SNX16: variants seen among roughly 807,000 people sequenced by gnomAD.
The protein encoded by SNX16 is sorting nexin-16.
A neutral mutation model predicts 36.7 loss-of-function variants in SNX16; 35 were observed. That is an observed-to-expected ratio of 0.95 (90% CI 0.73 to 1.27). SNX16 has a LOEUF of 1.27. Ranked by LOEUF, SNX16 falls within the 50% of genes most tolerant of loss-of-function variation. SNX16 has a pLI of 0.00. For synonymous variants in SNX16, 134 were observed against 132.0 expected (o/e 1.02, Z -0.10); for missense variants, 367 against 393.6 (o/e 0.93, Z 0.57).
chr8:81,824,473 A>T (rs1382029999), intron 3 of SNX16, among the ~76,000 whole-genome samples: 1 of 151,980 alleles, frequency 6.6e-6, no homozygotes, highest in Non-Finnish European at 1.5e-5. Context: ...ATTTTTTTTA[A>T]TTTTAATGTT....
chr8:81,819,708 G>C (rs1810647082), intron 4 of SNX16, among the ~76,000 whole-genome samples: 2 of 151,786 alleles, frequency 1.3e-5, no homozygotes, highest in African/African-American at 4.8e-5. Flanking sequence ...TTATTGAACA[G>C]ATAAAATCTC....
chr8:81,808,049 AAGAT>A (rs1454421743), intron 5 of SNX16: 2 of 946,388 alleles, frequency 2.1e-6, no homozygotes, highest in African/African-American at 1.6e-5. Context: ...GTCTCAAGGG[AAGAT>A]TCTCAAAGAC....
chr8:81,835,761 C>T (rs1485592186), intron 2 of SNX16, among the ~76,000 whole-genome samples: 1 of 152,210 alleles, frequency 6.6e-6, no homozygotes, highest in African/African-American at 2.4e-5. Flanking sequence ...ATTTGACTTA[C>T]AGTTCCACAT....
At chr8:81,820,273 T>G (rs558957091) in intron 4 of SNX16, among the ~76,000 whole-genome samples, 111 of 152,170 alleles carry the variant, frequency 7.3e-4, no homozygotes, top group African/African-American at 2.6e-3. Flanking sequence ...TGAGACAATC[T>G]TCTTTCCCTC....
intron 2 of SNX16, among the ~76,000 whole-genome samples, chr8:81,838,497 T>TG (rs1368092061): frequency 1.3e-5 from 2 of 151,028 alleles, no homozygotes; most frequent in Non-Finnish European, 2.9e-5. Flanking sequence ...ACATGATTTA[T>TG]GACACAGACA....
chr8:81,828,979 C>T (rs1018950243), intron 3 of SNX16, among the ~76,000 whole-genome samples: 5 of 152,076 alleles, frequency 3.3e-5, no homozygotes, highest in East Asian at 1.9e-4. Flanking sequence ...AGATAAGTGC[C>T]CAGCCCAGCT....
intron 4 of SNX16, among the ~76,000 whole-genome samples, chr8:81,821,641 G>A (rs959869348): frequency 1.7e-4 from 26 of 151,188 alleles, no homozygotes; most frequent in Non-Finnish European, 3.0e-5. Flanking sequence ...ATAAAGTGGG[G>A]AGCACTAATG....
At chr8:81,809,601 A>T (rs1310945797) in intron 5 of SNX16, among the ~76,000 whole-genome samples, 1 of 152,250 alleles carries the variant, frequency 6.6e-6, no homozygotes, top group Non-Finnish European at 1.5e-5. Flanking sequence ...CCTGGCTGGT[A>T]ATCAAGAAAA....
intron 2 of SNX16, among the ~76,000 whole-genome samples, chr8:81,835,696 C>G (rs1046215475): frequency 1.3e-5 from 2 of 152,198 alleles, no homozygotes; most frequent in South Asian, 4.1e-4. Context: ...CATTTCCCAA[C>G]AAGTTCCTCA....
At position 81,803,201 on chromosome 8, in the gene SNX16, T is replaced by C; in HGVS notation, c.709A>G (p.Asn237Asp). ...RAFCETLEET[N>D]YRLQKELLEK... ...AGTAGTTCTTTCTGTAAGCGGTAGT[T>C]TGTCTCTTCTAAAGTTTCACAGAAT... Residue 237 changes from asparagine to aspartate, a missense_variant, in exon 6 of 8, where the codon AAC becomes GAC. Transcript: ENST00000345957. 3 of 1,609,544 alleles carry C rather than the reference T, an allele frequency of 1.9e-6. No individual in the cohort carries two copies. The highest frequency in any genetic ancestry group is 2.5e-6 in the Non-Finnish European group (3 of 1,178,222).
chr8:81,799,615 T>A lies in SNX16; in HGVS notation c.*1882A>T, dbSNP rs140368162. 289 of 152,028 alleles carry A rather than the reference T, an allele frequency of 1.9e-3. 1 individual carries two copies. The highest frequency in any genetic ancestry group is 6.9e-3 in the African/African-American group (288 of 41,562). The allele number at this position is 152,028 out of a possible 1,614,324, so 9.4% of individuals were successfully genotyped here. ...GAAAAAATAATTTATTAAATGAACA[T>A]AATACTGGGAGTAAAATGCATTATA... is the stretch of plus-strand genomic sequence containing the variant. On this transcript the variant is annotated 3_prime_UTR_variant, in exon 8 of 8. Coordinates refer to ENST00000345957, the MANE Select transcript of SNX16 (RefSeq NM_152836.3).
At chr8:81,837,441 A>T (rs1811541579) in intron 2 of SNX16, among the ~76,000 whole-genome samples, 1 of 152,192 alleles carries the variant, frequency 6.6e-6, no homozygotes. Context: ...AATACCATAA[A>T]TTTGGTAGCT....
chr8:81,841,465 A>C (rs1586031780), intron 1 of SNX16, among the ~76,000 whole-genome samples: 1 of 151,864 alleles, frequency 6.6e-6, no homozygotes, highest in African/African-American at 2.4e-5. Flanking sequence ...CGGCCTCCCC[A>C]AAAACAAGTA....
rs1409231997 is a variant in SNX16, at chr8:81,823,815, T to C, written c.588A>G (p.Val196=). The C allele has an allele frequency of 1.2e-6, 2 of 1,609,902 alleles. No individual in the cohort carries two copies. Among genetic ancestry groups the C allele is most frequent in the Non-Finnish European group, 1.7e-6 (2 of 1,178,386 alleles). The part of the protein sequence containing the change: ...LGLQAFLQNL[V]AHKDIANCLA... The stretch of plus-strand genomic sequence containing the variant: ...ACCAGTTAGCAATGTCCTTGTGAGC[T>C]ACTAAATTTTGAAGAAACGCTTGTA... Residue 196 remains valine, a synonymous_variant, in exon 4 of 8, where the codon GTA becomes GTG. Transcript: ENST00000345957.
At chr8:81,823,553 A>G (rs1810872121) in intron 4 of SNX16, among the ~76,000 whole-genome samples, 1 of 152,098 alleles carries the variant, frequency 6.6e-6, no homozygotes, top group Non-Finnish European at 1.5e-5. Flanking sequence ...TACATGGTAC[A>G]CTGGATTTTT....
chr8:81,839,700 T>C lies in SNX16; in HGVS notation c.287A>G (p.Gln96Arg). The change falls in exon 2 of 8, where the codon CAA becomes CGA. Residue 96 changes from glutamine to arginine, a missense_variant. Physicochemically the swap from Gln to Arg is conservative, Grantham distance 43. Transcript: ENST00000345957. ...YSTRPRDTEE[Q>R]NPETVNWEDR... ...TTCCCAATTCACTGTTTCCGGATTT[T>C]GTTCTTCAGTGTCTCTTGGTCTAGT... 6.2e-7 allele frequency: 1 copy of C among 1,614,020 alleles called. No individual in the cohort carries two copies. The highest frequency in any genetic ancestry group is 2.2e-5 in the East Asian group (1 of 44,864).
At chr8:81,802,300 AAAAATACTCTATAGAGTATT>A in intron 7 of SNX16, 60 bp downstream of exon 7, 1 of 1,112,992 alleles carries the variant, frequency 9.0e-7, no homozygotes, top group Non-Finnish European at 1.2e-6. Context: ...GAGTTCATAA[AAAAATACTCTATAGAGTATT>A]AGAATCACTT....
intron 6 of SNX16, 38 bp downstream of exon 6, chr8:81,803,054 G>C (rs748813846): frequency 6.5e-7 from 1 of 1,549,208 alleles, no homozygotes; most frequent in Non-Finnish European, 8.7e-7. Context: ...ATTAAGGGTT[G>C]AATTAGTCAG....
intron 3 of SNX16, 32 bp downstream of exon 3, chr8:81,829,398 A>C: frequency 2.0e-6 from 2 of 1,014,400 alleles, no homozygotes; most frequent in Non-Finnish European, 2.7e-6. Flanking sequence ...TTCAAAACTG[A>C]AATGTTAGTT....
Sources: gnomAD v4.1 joint callset for allele counts (sites outside exome capture counted in the v4.1 genomes callset) on GRCh38, gnomAD v4.1.1 for gene constraint, MANE v1.5 for transcripts, NCBI Gene and HGNC (gene_info 2026-07-23, HGNC 2026-07-21) for gene names.